The following STK32B variants were observed in gnomAD, a reference collection of about 807,000 sequenced individuals.
STK32B encodes serine/threonine-protein kinase 32B.
Under a neutral mutation model 52.6 loss-of-function variants are expected in STK32B, and 43 were observed. The ratio of observed to expected loss-of-function variants is 0.82; its 90% CI spans 0.64 to 1.05. The LOEUF (loss-of-function observed/expected upper bound fraction) is 1.05. Among genes scored for constraint, STK32B ranks in the 50% least tolerant of loss-of-function variants. The pLI, the probability that STK32B is intolerant of heterozygous loss-of-function variation, is 0.00. For synonymous variants in STK32B, 238 were observed against 204.3 expected (o/e 1.17, Z -1.41); for missense variants, 621 against 534.6 (o/e 1.16, Z -1.59).
chr4:5,405,337 G>C (rs140873178), intron 5 of STK32B, among the ~76,000 whole-genome samples: 2 of 152,126 alleles, frequency 1.3e-5, no homozygotes, highest in Non-Finnish European at 2.9e-5. Context: ...GCAGAGCCAA[G>C]CTAAGTAGGG....
chr4:5,054,906 C>G (rs1331473358), intron 1 of STK32B, among the ~76,000 whole-genome samples: 1 of 152,158 alleles, frequency 6.6e-6, no homozygotes, highest in Non-Finnish European at 1.5e-5. Context: ...GCTGTTCACG[C>G]TCACATGATA....
chr4:5,379,322 C>T (rs780937102), intron 4 of STK32B, among the ~76,000 whole-genome samples: 1 of 152,102 alleles, frequency 6.6e-6, no homozygotes, highest in Non-Finnish European at 1.5e-5. Flanking sequence ...CCACACTCTC[C>T]AGCAGCCTTG....
chr4:5,243,790 G>C (rs563375860), intron 3 of STK32B, among the ~76,000 whole-genome samples: 25 of 152,134 alleles, frequency 1.6e-4, no homozygotes, highest in African/African-American at 4.3e-4. Flanking sequence ...TAGCATGAAG[G>C]GTTGTTGAAT....
chr4:5,204,748 G>A (rs894374659), intron 3 of STK32B, among the ~76,000 whole-genome samples: 1 of 152,142 alleles, frequency 6.6e-6, no homozygotes, highest in Non-Finnish European at 1.5e-5. Context: ...GATTACAGGT[G>A]TGAGCCACTG....
chr4:5,091,483 A>T (rs779037866), intron 1 of STK32B, among the ~76,000 whole-genome samples: 3 of 152,204 alleles, frequency 2.0e-5, no homozygotes, highest in Non-Finnish European at 4.4e-5. Context: ...GATGCTCAAC[A>T]TTATTAGTAT....
intron 3 of STK32B, among the ~76,000 whole-genome samples, chr4:5,229,000 T>A (rs1178457391): frequency 1.3e-5 from 2 of 152,158 alleles, no homozygotes; most frequent in African/African-American, 2.4e-5. Flanking sequence ...TATACTCTAC[T>A]GTAGTATATT....
At chr4:5,495,221 C>T (rs924205367) in intron 11 of STK32B, among the ~76,000 whole-genome samples, 6 of 152,160 alleles carry the variant, frequency 3.9e-5, no homozygotes, top group South Asian at 2.1e-4. Context: ...ACCAATCAGA[C>T]GTAGATTTGG....
In STK32B at chr4:5,119,761, C is replaced by T. The variant is rs544354033; in HGVS notation, c.53-20144C>T. ...CATGAGGAAGGACATCATATGTGAG[C>T]GACCTAAATTTCACATGCTTTCGTA... On this transcript the variant is annotated intron_variant, in intron 1 of 11. Transcript: ENST00000282908. Among the ~76,000 whole-genome samples, 5 of 152,328 alleles carry T rather than the reference C, an allele frequency of 3.3e-5. No homozygotes were observed. The East Asian group carries it at 5.8e-4, about 18-fold the overall frequency.
intron 2 of STK32B, among the ~76,000 whole-genome samples, chr4:5,149,880 T>A (rs1308593347): frequency 6.6e-6 from 1 of 151,972 alleles, no homozygotes; most frequent in Non-Finnish European, 1.5e-5. Flanking sequence ...CTGAGGAATT[T>A]CCTTTAGTAT....
chr4:5,274,764 TTGTTA>T (rs1350786839), intron 3 of STK32B, among the ~76,000 whole-genome samples: 1 of 152,164 alleles, frequency 6.6e-6, no homozygotes, highest in Non-Finnish European at 1.5e-5. Flanking sequence ...TCTTCTGTGT[TTGTTA>T]CGGCTCGAGC....
intron 3 of STK32B, among the ~76,000 whole-genome samples, chr4:5,247,538 C>T (rs969295494): frequency 3.3e-5 from 5 of 152,210 alleles, no homozygotes; most frequent in Non-Finnish European, 5.9e-5. Context: ...GGCGATGCCT[C>T]GCCCTGCTTT....
intron 4 of STK32B, among the ~76,000 whole-genome samples, chr4:5,348,143 T>C (rs891904216): frequency 5.3e-5 from 8 of 152,220 alleles, no homozygotes; most frequent in Non-Finnish European, 1.2e-4. Context: ...TCCCTAATGC[T>C]GGAAAATAAA....
At chr4:5,147,797 T>C (rs944435600) in intron 2 of STK32B, among the ~76,000 whole-genome samples, 1 of 152,018 alleles carries the variant, frequency 6.6e-6, no homozygotes, top group African/African-American at 2.4e-5. Context: ...CTTTTTATGT[T>C]TTATTGAATT....
At position 5,370,035 on chromosome 4, in the gene STK32B, C is replaced by T. The variant is rs573945732; in HGVS notation, c.435-28172C>T. Among the ~76,000 whole-genome samples, 8 of 151,976 alleles carry T rather than the reference C, an allele frequency of 5.3e-5. 1 individual carries two copies. Among genetic ancestry groups the T allele is most frequent in the African/African-American group, 7.3e-5 (3 of 41,338 alleles). ...GGACTACAGGCGCCACCATCACGCC[C>T]GGCTAATTTTTTGTATTTTTAGTAG... On this transcript the variant is annotated intron_variant, in intron 4 of 11. Coordinates refer to ENST00000282908, the MANE Select transcript of STK32B (RefSeq NM_018401.3).
intron 1 of STK32B, among the ~76,000 whole-genome samples, chr4:5,098,427 A>G (rs1713518329): frequency 6.6e-6 from 1 of 152,240 alleles, no homozygotes; most frequent in African/African-American, 2.4e-5. Flanking sequence ...ACCCACTATC[A>G]GCAGCAGAGA....
At chr4:5,102,508 C>T (rs1418523488) in intron 1 of STK32B, among the ~76,000 whole-genome samples, 1 of 131,976 alleles carries the variant, frequency 7.6e-6, no homozygotes. Context: ...CTCCCTCCCT[C>T]CCTCCTTCCT....
At chr4:5,444,135 G>T (rs878863762) in intron 6 of STK32B, among the ~76,000 whole-genome samples, 5 of 152,146 alleles carry the variant, frequency 3.3e-5, no homozygotes, top group African/African-American at 7.2e-5. Context: ...CCGCCCAGTT[G>T]GAGCTTCCGG....
chr4:5,100,744 TCCC>T (rs1233367276), intron 1 of STK32B, among the ~76,000 whole-genome samples: 10 of 113,734 alleles, frequency 8.8e-5, no homozygotes, highest in East Asian at 3.0e-4. Flanking sequence ...CTTCTCTTCC[TCCC>T]TCCTCCCTCC....
chr4:5,271,822 T>C (rs1727452522), intron 3 of STK32B, among the ~76,000 whole-genome samples: 1 of 138,094 alleles, frequency 7.2e-6, no homozygotes, highest in Admixed American at 6.8e-5. Flanking sequence ...AGTTGGTGTA[T>C]AAGAATGCTT....
Sources: gnomAD v4.1 joint callset for allele counts (sites outside exome capture counted in the v4.1 genomes callset) on GRCh38, gnomAD v4.1.1 for gene constraint, MANE v1.5 for transcripts, NCBI Gene and HGNC (gene_info 2026-07-23, HGNC 2026-07-21) for gene names.